Variants in TBC1D26 observed in about 807,000 individuals in gnomAD.
TBC1D26 encodes the protein TBC1 domain family member 26, also known as TBC1 domain family, member 26.
In TBC1D26, 19 loss-of-function variants were observed where a neutral mutation model predicts 42.5. The observed-to-expected ratio is 0.45, with a 90% confidence interval of 0.31 to 0.66. TBC1D26 has a LOEUF of 0.66. TBC1D26 is among the 30% of genes least tolerant of loss of function. TBC1D26 has a pLI of 0.06. For synonymous variants in TBC1D26, 97 were observed against 123.5 expected (o/e 0.79, Z 1.42); for missense variants, 228 against 332.6 (o/e 0.69, Z 2.45).
intron 9 of TBC1D26, chr17:15,740,839 G>A (rs932934322): frequency 1.5e-5 from 9 of 620,450 alleles, no homozygotes; most frequent in Non-Finnish European, 2.2e-5. Context: ...CCTGGCCCAG[G>A]GGAGGGAGCA....
chr17:15,742,722 A>G (rs1967823328), intron 12 of TBC1D26, among the ~76,000 whole-genome samples, 187 bp from the exon 13 acceptor site: 1 of 152,218 alleles, frequency 6.6e-6, no homozygotes, highest in Non-Finnish European at 1.5e-5. Context: ...TCCAGAAGCC[A>G]CAGCGCAGTT....
intron 9 of TBC1D26, 101 bp from the exon 10 acceptor site, chr17:15,741,021 G>T (rs1269350090): frequency 2.1e-5 from 31 of 1,491,780 alleles, no homozygotes; most frequent in Non-Finnish European, 2.8e-5. Context: ...CCTGAGGCAG[G>T]TGTCCCCAAA....
chr17:15,737,944 C>T, intron 5 of TBC1D26, 53 bp from the exon 6 acceptor site: 2 of 1,612,648 alleles, frequency 1.2e-6, no homozygotes. Context: ...CATCCACGGG[C>T]CACTGTCAGA....
intron 10 of TBC1D26, 137 bp from the exon 11 acceptor site, chr17:15,741,805 C>G: frequency 1.3e-6 from 1 of 762,982 alleles, no homozygotes; most frequent in Admixed American, 2.7e-5. Context: ...AGGGCTGAGG[C>G]TACATGCTGG....
intron 7 of TBC1D26, 120 bp from the exon 8 acceptor site, chr17:15,738,601 G>A (rs1281968440): frequency 1.3e-5 from 20 of 1,550,984 alleles, no homozygotes; most frequent in Non-Finnish European, 1.8e-5. Context: ...GGAGCTTTCT[G>A]CAGAAGGAAA....
chr17:15,741,329 C>G, intron 10 of TBC1D26, 108 bp downstream of exon 10: 1 of 1,573,334 alleles, frequency 6.4e-7, no homozygotes, highest in African/African-American at 1.3e-5. Context: ...AGGCAAGGTG[C>G]CTGCCTTGTA....
chr17:15,732,597 G>T (rs1440074083), intron 1 of TBC1D26, among the ~76,000 whole-genome samples: 1 of 151,290 alleles, frequency 6.6e-6, no homozygotes, highest in Non-Finnish European at 1.5e-5. Context: ...GAGAGGAGGT[G>T]ACTGGCCAAG....
At chr17:15,739,819 G>A (rs571790769) in intron 8 of TBC1D26, among the ~76,000 whole-genome samples, 824 of 152,150 alleles carry the variant, frequency 5.4e-3, no homozygotes, top group African/African-American at 0.019. Context: ...CCAAAGACTG[G>A]ACTTCTGTGT....
intron 10 of TBC1D26, 125 bp from the exon 11 acceptor site, chr17:15,741,817 G>C (rs1436343754): frequency 1.2e-6 from 1 of 847,972 alleles, no homozygotes; most frequent in Non-Finnish European, 1.9e-6. Flanking sequence ...ACATGCTGGG[G>C]TCACCACATG....
At chr17:15,733,675 G>T (rs2529991) in intron 1 of TBC1D26, 4 of 152,264 alleles carry the variant, frequency 2.6e-5, no homozygotes, top group Non-Finnish European at 5.9e-5. Context: ...CCACATAAAC[G>T]TACATGCTCA....
At chr17:15,741,003 C>T (rs1967760622) in intron 9 of TBC1D26, 119 bp from the exon 10 acceptor site, 2 of 1,365,876 alleles carry the variant, frequency 1.5e-6, no homozygotes, top group Non-Finnish European at 1.0e-6. Context: ...ACCTCAAATC[C>T]CCTGGGGCCT....
Position 15,740,147 on chromosome 17 carries a change from C to T in TBC1D26, c.545C>T (p.Pro182Leu), listed in dbSNP as rs781336315. The stretch of plus-strand genomic sequence containing the variant: ...CTCGTGGCCTATTCTGCATATAACC[C>T]TGTGAGTATTCCCGGGCAGCGATAT... ...DILVAYSAYNPEVGYHRDLSR... is the reference protein window; with the variant it reads ...DILVAYSAYNLEVGYHRDLSR... Residue 182 changes from proline (P) to leucine (L), a missense_variant and splice_region_variant, in exon 9 of 15, where the codon CCT (proline) becomes CTT (leucine). Transcript: ENST00000437605. 9.3e-6 allele frequency: 15 copies of T among 1,614,056 alleles called. No individual in the cohort carries two copies. The Admixed American group carries it at 2.2e-4, about 23-fold the overall frequency.
At chr17:15,735,324 C>T (rs1210693673) in intron 2 of TBC1D26, 24 bp from the exon 3 acceptor site, 1 of 1,612,914 alleles carries the variant, frequency 6.2e-7, no homozygotes, top group African/African-American at 1.3e-5. Flanking sequence ...TGCGGGAGAG[C>T]CTTGGGATGA....
At chr17:15,739,424 G>A (rs1318758428) in intron 8 of TBC1D26, among the ~76,000 whole-genome samples, 2 of 152,294 alleles carry the variant, frequency 1.3e-5, no homozygotes, top group East Asian at 1.9e-4. Context: ...ACTCACACCC[G>A]GAGGCTACGG....
intron 10 of TBC1D26, chr17:15,741,519 A>G: frequency 2.1e-6 from 1 of 486,452 alleles, no homozygotes; most frequent in Non-Finnish European, 3.7e-6. Context: ...TGCAGGCACC[A>G]CTCACCTCCC....
chr17:15,739,066 GAA>G (rs1004944004), intron 8 of TBC1D26, among the ~76,000 whole-genome samples: 1 of 142,770 alleles, frequency 7.0e-6, no homozygotes, highest in African/African-American at 2.6e-5. Flanking sequence ...ACGGAAGGCA[GAA>G]AAAAAAAGAG....
chr17:15,740,984 A>ACATTT lies in TBC1D26; in HGVS notation c.547-138_547-137insCATTT, dbSNP rs1189607964. ...ATGTCCAGTGCCAGGGGAGGGGTGC[A>ACATTT]GAGGCTGCACCTCAAATCCCCTGGG... is the stretch of plus-strand genomic sequence containing the variant. On this transcript the variant is annotated intron_variant, in intron 9 of 14. Coordinates refer to ENST00000437605, the MANE Select transcript of TBC1D26 (RefSeq NM_001388465.1). The ACATTT allele has an allele frequency of 6.1e-6, 7 of 1,144,218 alleles. No individual in the cohort carries two copies. In the African/African-American group the frequency reaches 9.1e-5, roughly 15 times the overall value. 70.9% of individuals were successfully genotyped at this position (1,144,218 alleles called of 1,614,324 possible).
Position 15,744,295 on chromosome 17 carries a change from C to T in TBC1D26, c.1110C>T (p.Ser370=), listed in dbSNP as rs1967864866. Residue 370 remains serine, a synonymous_variant, in exon 15 of 15, where the codon TCC becomes TCT. Coordinates refer to ENST00000437605, the MANE Select transcript of TBC1D26 (RefSeq NM_001388465.1). ...ATACCATAGCCTGGGGCTTGCAATC[C>T]AAGGCTGGCAAGGATTCCTGCACGT... The part of the protein sequence containing the change: ...HCYTIAWGLQ[S]KAGKDSCTSR... The T allele has an allele frequency of 6.6e-6, 1 of 152,184 alleles. No individual in the cohort carries two copies. Among genetic ancestry groups the T allele is most frequent in the Non-Finnish European group, 1.5e-5 (1 of 68,046 alleles). The allele number at this position is 152,184 out of a possible 1,614,324, so 9.4% of individuals were successfully genotyped here. A position where few individuals can be genotyped will look rare whatever the true frequency, so the allele number is the denominator to read the frequency against.
chr17:15,736,401 C>T (rs1395096695), intron 4 of TBC1D26: 4 of 152,194 alleles, frequency 2.6e-5, no homozygotes, highest in African/African-American at 2.4e-5. Context: ...AAGCCAGACC[C>T]GGGTGGAGCT....
Sources: gnomAD v4.1 joint callset for allele counts (sites outside exome capture counted in the v4.1 genomes callset) on GRCh38, gnomAD v4.1.1 for gene constraint, MANE v1.5 for transcripts, NCBI Gene and HGNC (gene_info 2026-07-23, HGNC 2026-07-21) for gene names.